SHISA9: variants seen among roughly 807,000 people sequenced by gnomAD.
The protein encoded by SHISA9 is protein shisa-9.
Under a neutral mutation model 38.0 loss-of-function variants are expected in SHISA9, and 13 were observed. The observed-to-expected ratio is 0.34, with a 90% confidence interval of 0.22 to 0.54. The LOEUF (loss-of-function observed/expected upper bound fraction) is 0.54. Among genes scored for constraint, SHISA9 ranks in the 20% least tolerant of loss-of-function variants. SHISA9 has a pLI of 0.91. For synonymous variants in SHISA9, 275 were observed against 242.0 expected, an observed-to-expected ratio of 1.14 and a Z score of -1.27; for missense variants, 538 against 575.8, an observed-to-expected ratio of 0.93 and a Z score of 0.67.
chr16:13,020,890 C>T (rs36059459), intron 2 of SHISA9, among the ~76,000 whole-genome samples: 12,494 of 152,244 alleles, frequency 0.082, 603 homozygotes, highest in East Asian at 0.13. Flanking sequence ...GAGCATTATA[C>T]GCAAGGGCAA....
intron 2 of SHISA9, among the ~76,000 whole-genome samples, chr16:13,035,244 A>G (rs949644441): frequency 6.6e-6 from 1 of 152,200 alleles, no homozygotes; most frequent in African/African-American, 2.4e-5. Context: ...TCCTGATGAC[A>G]CATTTAGGTA....
At chr16:13,069,539 A>G (rs1459650395) in intron 2 of SHISA9, among the ~76,000 whole-genome samples, 3 of 151,318 alleles carry the variant, frequency 2.0e-5, no homozygotes, top group Non-Finnish European at 2.9e-5. Context: ...CAATGTGTGC[A>G]TGTGTAGGGT....
In SHISA9 at chr16:13,019,862, CCCTCCCTCCCTCCCTCCCTCCCTTCTTT is replaced by C. The variant is rs1295060634; in HGVS notation, c.691+103049_691+103076del. Reference sequence around the variant, plus strand: ...TCCTTCCTTCCCTCCCTCCCTCCCTCCCTCCCTCCCTCCCTCCCTCCCTTCTTTCTTTCTTTCTTTCTTTCTTTCTTTC... The same window carrying C: ...TCCTTCCTTCCCTCCCTCCCTCCCTCCTTTCTTTCTTTCTTTCTTTCTTTC... On this transcript the variant is annotated intron_variant, in intron 2 of 4. Transcript: ENST00000558583. Among the ~76,000 whole-genome samples, 100 of 29,160 alleles carry C rather than the reference CCCTCCCTCCCTCCCTCCCTCCCTTCTTT, an allele frequency of 3.4e-3. 4 individuals are homozygous for C. The highest frequency in any genetic ancestry group is 0.014 in the African/African-American group (94 of 6,900). 19.1% of individuals were successfully genotyped at this position (29,160 alleles called of 152,430 possible).
At chr16:13,409,059 C>A in the SHISA9 span, among the ~76,000 whole-genome samples, 1 of 152,216 alleles carries the variant, frequency 6.6e-6, no homozygotes, top group Admixed American at 6.5e-5. Context: ...CAGGAGATGA[C>A]CAGATGAGGA....
intron 2 of SHISA9, among the ~76,000 whole-genome samples, chr16:12,993,429 G>A (rs1410491951): frequency 6.6e-6 from 1 of 152,096 alleles, no homozygotes; most frequent in Non-Finnish European, 1.5e-5. Flanking sequence ...GTGACTTTAG[G>A]TGCATCATTC....
At chr16:13,503,465 T>C in the SHISA9 span, among the ~76,000 whole-genome samples, 57 of 152,340 alleles carry the variant, frequency 3.7e-4, no homozygotes, top group African/African-American at 1.4e-3. Context: ...GCTGATGCAT[T>C]CACCTGGATA....
Position 13,058,128 on chromosome 16 carries a change from G to A in SHISA9, c.691+141313G>A, listed in dbSNP as rs1567197648. ...CTCCCTAGAGATTCTGATGCAATAG[G>A]GCTGGGGTGGGACAAAGCCCAGGCA... On this transcript the variant is annotated intron_variant, in intron 2 of 4. Coordinates refer to ENST00000558583, the MANE Select transcript of SHISA9 (RefSeq NM_001145204.3). 2.0e-5 allele frequency among the ~76,000 whole-genome samples: 3 copies of A among 152,162 alleles called. No homozygotes were observed. In the East Asian group the frequency reaches 5.8e-4, roughly 29 times the overall value.
the SHISA9 span, among the ~76,000 whole-genome samples, chr16:13,325,531 A>T: frequency 5.3e-5 from 8 of 152,200 alleles, no homozygotes; most frequent in Non-Finnish European, 1.0e-4. Context: ...GGGTTAGAGC[A>T]TGTATTTATA....
chr16:13,057,256 G>C (rs931510095), intron 2 of SHISA9, among the ~76,000 whole-genome samples: 10 of 152,194 alleles, frequency 6.6e-5, no homozygotes, highest in African/African-American at 2.2e-4. Context: ...CCTTTCACAA[G>C]ACAGCCCTGG....
At chr16:12,918,143 G>A (rs370331047) in intron 2 of SHISA9, among the ~76,000 whole-genome samples, 1 of 152,074 alleles carries the variant, frequency 6.6e-6, no homozygotes, top group Non-Finnish European at 1.5e-5. Flanking sequence ...CAACATTTTA[G>A]AACAAAATAC....
the SHISA9 span, among the ~76,000 whole-genome samples, chr16:13,396,560 A>C: frequency 1.3e-5 from 2 of 152,144 alleles, no homozygotes; most frequent in Non-Finnish European, 2.9e-5. Context: ...TCTCTCAGAC[A>C]GACTAGACCC....
In SHISA9 at chr16:12,902,239, G is replaced by C; in HGVS notation, c.175G>C (p.Glu59Gln). The C allele has an allele frequency of 6.5e-7, 1 of 1,543,088 alleles. No homozygotes were observed. The highest frequency in any genetic ancestry group is 8.7e-7 in the Non-Finnish European group (1 of 1,146,402). Reference sequence around the variant, plus strand: ...CTCCGGAGAGGCCAGCGAGGGCGCTGAGGCATCGGACGCGCCCCCGACCCG... The same window carrying C: ...CTCCGGAGAGGCCAGCGAGGGCGCTCAGGCATCGGACGCGCCCCCGACCCG... ...AASGEASEGA[E>Q]ASDAPPTRAP... The change falls in exon 1 of 5, where the codon GAG becomes CAG. Residue 59 changes from glutamate to glutamine, a missense_variant. Glu to Gln is a conservative substitution (Grantham distance 29, BLOSUM62 2). Around this residue, in one of 4 missense-constraint regions of SHISA9, gnomAD observed 107 missense variants for 103.0 expected, o/e 1.04. Transcript: ENST00000558583.
At chr16:13,015,836 T>G (rs1468392781) in intron 2 of SHISA9, among the ~76,000 whole-genome samples, 1 of 126,568 alleles carries the variant, frequency 7.9e-6, no homozygotes, top group Non-Finnish European at 1.9e-5. Context: ...TCTCTCTCTC[T>G]TTTCTTTCTT....
At chr16:13,007,161 C>T (rs1391653713) in intron 2 of SHISA9, among the ~76,000 whole-genome samples, 3 of 152,208 alleles carry the variant, frequency 2.0e-5, no homozygotes, top group Admixed American at 6.5e-5. Flanking sequence ...ACCTCCCACT[C>T]TAAACTCTCT....
At chr16:13,498,784 T>C in the SHISA9 span, among the ~76,000 whole-genome samples, 1 of 151,800 alleles carries the variant, frequency 6.6e-6, no homozygotes, top group Non-Finnish European at 1.5e-5. Context: ...GAAAAGAAGG[T>C]AGTCATGAAT....
the SHISA9 span, among the ~76,000 whole-genome samples, chr16:13,437,809 T>G: frequency 1.4e-5 from 2 of 142,248 alleles, no homozygotes; most frequent in Non-Finnish European, 3.1e-5. Flanking sequence ...GGCTTGACAA[T>G]TCCAAGTGGT....
the SHISA9 span, among the ~76,000 whole-genome samples, chr16:13,480,586 C>G: frequency 6.6e-6 from 1 of 152,154 alleles, no homozygotes; most frequent in Admixed American, 6.5e-5. Context: ...CCTGATGACA[C>G]AGGAAGGGGC....
At chr16:13,284,039 C>A in the SHISA9 span, among the ~76,000 whole-genome samples, 1 of 152,130 alleles carries the variant, frequency 6.6e-6, no homozygotes, top group Non-Finnish European at 1.5e-5. Context: ...CCTTTTGATG[C>A]CTTCATTAAA....
At chr16:13,484,876 A>G in the SHISA9 span, among the ~76,000 whole-genome samples, 2 of 152,068 alleles carry the variant, frequency 1.3e-5, no homozygotes, top group Non-Finnish European at 2.9e-5. Flanking sequence ...CCATGATCCA[A>G]TCACCTCCCA....
Sources: allele counts gnomAD v4.1 joint callset (sites outside exome capture counted in the v4.1 genomes callset), GRCh38; gene constraint gnomAD v4.1.1; regional missense constraint gnomAD v4.1.1; transcripts MANE v1.5; gene names NCBI Gene and HGNC (gene_info 2026-07-23, HGNC 2026-07-21).